SPATA13: variants seen among roughly 807,000 people sequenced by gnomAD.
SPATA13 encodes the protein spermatogenesis associated 13.
Under a neutral mutation model 104.0 loss-of-function variants are expected in SPATA13, and 50 were observed. That is an observed-to-expected ratio of 0.48 (90% CI 0.38 to 0.61). SPATA13 has a LOEUF of 0.61. SPATA13 is among the 20% of genes least tolerant of loss of function. SPATA13 has a pLI of 0.00. For missense variants in SPATA13, 1,524 were observed against 1,690.6 expected, an observed-to-expected ratio of 0.90 and a Z score of 1.73; for synonymous variants, 606 against 667.5, an observed-to-expected ratio of 0.91 and a Z score of 1.42.
At chr13:24,000,275 C>T (rs1875893768) in intron 2 of SPATA13, among the ~76,000 whole-genome samples, 1 of 146,146 alleles carries the variant, frequency 6.8e-6, no homozygotes. Flanking sequence ...GGTCTTGGGG[C>T]AGCTGAGGCA....
At chr13:23,988,081 T>G (rs905179101) in intron 2 of SPATA13, among the ~76,000 whole-genome samples, 2 of 152,020 alleles carry the variant, frequency 1.3e-5, no homozygotes, top group African/African-American at 4.8e-5. Context: ...GTAGCTGGGA[T>G]TACAGGCACC....
At chr13:24,123,918 A>C in intron 3 of SPATA13, 1 of 592,846 alleles carries the variant, frequency 1.7e-6, no homozygotes, top group Non-Finnish European at 3.0e-6. Flanking sequence ...TCCCTAACTC[A>C]TTTCCTCTTT....
intron 3 of SPATA13, among the ~76,000 whole-genome samples, chr13:24,105,439 T>C (rs984853384): frequency 1.3e-5 from 2 of 149,878 alleles, no homozygotes; most frequent in Non-Finnish European, 3.0e-5. Context: ...GCGCCTGACT[T>C]CTTACTTTTT....
At chr13:24,016,112 C>G (rs1428501297) in intron 2 of SPATA13, among the ~76,000 whole-genome samples, 1 of 152,186 alleles carries the variant, frequency 6.6e-6, no homozygotes, top group Non-Finnish European at 1.5e-5. Context: ...CCTGGCAGGA[C>G]TCGGGACTCT....
chr13:24,112,944 T>C, intron 3 of SPATA13, among the ~76,000 whole-genome samples: 1 of 152,230 alleles, frequency 6.6e-6, no homozygotes, highest in Non-Finnish European at 1.5e-5. Flanking sequence ...TGATTTATAA[T>C]TCATTCTAGC....
chr13:24,159,149 C>G (rs1258386782), upstream of SPATA13, among the ~76,000 whole-genome samples: 1 of 151,462 alleles, frequency 6.6e-6, no homozygotes, highest in Non-Finnish European at 1.5e-5. Context: ...TTAAATAATA[C>G]TAACATAGAT....
intron 2 of SPATA13, chr13:24,224,822 C>G: frequency 1.7e-6 from 1 of 589,438 alleles, no homozygotes; most frequent in South Asian, 1.8e-5. Context: ...ACATTTGCCA[C>G]ACCTTTCATT....
At chr13:24,121,273 G>A (rs554689308) in intron 3 of SPATA13, among the ~76,000 whole-genome samples, 9 of 152,008 alleles carry the variant, frequency 5.9e-5, no homozygotes, top group African/African-American at 1.5e-4. Flanking sequence ...TTTACATACC[G>A]AATTCAAGTC....
intron 3 of SPATA13, among the ~76,000 whole-genome samples, chr13:24,117,010 C>T (rs750620146): frequency 1.3e-5 from 2 of 152,182 alleles, no homozygotes; most frequent in Non-Finnish European, 2.9e-5. Flanking sequence ...TCTTGGACTT[C>T]CCAGCCTCCA....
rs149179761 is a variant in SPATA13, at chr13:24,040,149, T to C, written c.-112+22448T>C. 6.7e-4 allele frequency among the ~76,000 whole-genome samples: 102 copies of C among 152,324 alleles called. 1 individual carries two copies. Among genetic ancestry groups the C allele is most frequent in the Non-Finnish European group, 1.2e-3 (84 of 68,026 alleles). On this transcript the variant is annotated intron_variant, in intron 3 of 14. Transcript: ENST00000424834. ...CCAAACACAGACAGGCTTGAGATGC[T>C]GGGTGGCCAAACCAAATGGCGAGTG...
At chr13:24,152,192 G>A (rs761633051) in intron 3 of SPATA13, among the ~76,000 whole-genome samples, 2 of 152,258 alleles carry the variant, frequency 1.3e-5, no homozygotes, top group Non-Finnish European at 2.9e-5. Context: ...TGTAGATTCA[G>A]TGTCTGGTGA....
At chr13:24,114,682 G>A (rs1880776524) in intron 3 of SPATA13, among the ~76,000 whole-genome samples, 1 of 151,836 alleles carries the variant, frequency 6.6e-6, no homozygotes, top group Admixed American at 6.6e-5. Context: ...GTTGTTTTGA[G>A]ATGGAGTTTT....
rs1470726279 is a variant in SPATA13 at position 23,987,677 on chromosome 13, A to G, written c.-147+3744A>G. Among the ~76,000 whole-genome samples the G allele has an allele frequency of 2.6e-5, 4 of 152,204 alleles. No individual in the cohort carries two copies. The East Asian group carries it at 7.7e-4, about 29-fold the overall frequency. On this transcript the variant is annotated intron_variant, in intron 2 of 14. Transcript: ENST00000424834. ...TTTACCATTTTTAAGTGTGCAGTTCAGCGGCATTCAGCACATTCACATTAT... is the reference window on the plus strand; with the variant it reads ...TTTACCATTTTTAAGTGTGCAGTTCGGCGGCATTCAGCACATTCACATTAT...
At chr13:24,200,052 T>C (rs537355336) in intron 1 of SPATA13, among the ~76,000 whole-genome samples, 1 of 152,336 alleles carries the variant, frequency 6.6e-6, no homozygotes, top group Non-Finnish European at 1.5e-5. Context: ...CCCATGGCTC[T>C]TGGTTGGTCA....
Position 24,286,847 on chromosome 13 carries a change from G to A in SPATA13, c.2564G>A (p.Arg855His), listed in dbSNP as rs139669908. 42 of 1,613,650 alleles carry A rather than the reference G, an allele frequency of 2.6e-5. No homozygotes were observed. Among genetic ancestry groups the A allele is most frequent in the African/African-American group, 2.5e-4 (19 of 74,888 alleles). Residue 855 changes from arginine to histidine, a missense_variant, in exon 7 of 13, where the codon CGC becomes CAC. By Grantham distance (29) the Arg-to-His change is conservative. Around this residue, in one of 2 missense-constraint regions of SPATA13, gnomAD observed 435 missense variants for 554.8 expected, o/e 0.78. Coordinates refer to ENST00000382108, the MANE Select transcript of SPATA13 (RefSeq NM_001166271.3). This position sits in a 1 kb window ranked among gnomAD's most constrained non-coding sequence, Gnocchi z 4.9. ...CAGGACGAGGAGGCCAGCCAGAGCC[G>A]CCACAGACACTGTGAGAACAAGCAG... The part of the protein sequence containing the change: ...EEQDEEASQS[R>H]HRHCENKQQM...
chr13:24,302,867 C>A lies in SPATA13; in HGVS notation c.*94C>A. ...CAATCCAGGGAAAGTTTCTTGGACC[C>A]AGTGATAAAAACTTCCTTTTAGGGA... On this transcript the variant is annotated 3_prime_UTR_variant, in exon 13 of 13. Transcript: ENST00000382108. 1 of 1,542,578 alleles carries A rather than the reference C, an allele frequency of 6.5e-7. No homozygotes were observed. The highest frequency in any genetic ancestry group is 8.9e-7 in the Non-Finnish European group (1 of 1,126,964).
chr13:24,193,691 G>A (rs978147925), intron 1 of SPATA13, among the ~76,000 whole-genome samples: 17 of 152,206 alleles, frequency 1.1e-4, no homozygotes, highest in Non-Finnish European at 2.2e-4. Flanking sequence ...GAGTCCCTTC[G>A]ATTTGGCACT....
chr13:24,170,927 T>G (rs1435318208), intron 1 of SPATA13, among the ~76,000 whole-genome samples: 1 of 152,022 alleles, frequency 6.6e-6, no homozygotes, highest in Admixed American at 6.5e-5. Context: ...TTAAAAGAAC[T>G]GGAATGTCCA....
At position 24,088,484 on chromosome 13, in the gene SPATA13, G is replaced by C. The variant is rs1593321834; in HGVS notation, c.-112+70783G>C. Among the ~76,000 whole-genome samples the C allele has an allele frequency of 1.3e-5, 2 of 152,160 alleles. No individual in the cohort carries two copies. Among genetic ancestry groups the C allele is most frequent in the East Asian group, 3.8e-4 (2 of 5,196 alleles). ...ACCCTGGACATTGACACTTCTCTTA[G>C]GGAAACACTGGGCACCATGTGTTGA... On this transcript the variant is annotated intron_variant, in intron 3 of 14. Coordinates refer to the SPATA13 transcript ENST00000424834. The surrounding 1 kb of genome is among the most constrained non-coding windows in gnomAD (Gnocchi z 4.3).
Sources: allele counts gnomAD v4.1 joint callset (sites outside exome capture counted in the v4.1 genomes callset), GRCh38; gene constraint gnomAD v4.1.1; regional missense constraint gnomAD v4.1.1; non-coding constraint Gnocchi (gnomAD v3.1); transcripts MANE v1.5; gene names NCBI Gene and HGNC (gene_info 2026-07-23, HGNC 2026-07-21).